OXR1: variants seen among roughly 807,000 people sequenced by gnomAD.
OXR1 encodes the protein oxidation resistance protein 1.
In OXR1, 41 loss-of-function variants were observed where a neutral mutation model predicts 104.6. The ratio of observed to expected loss-of-function variants is 0.39; its 90% CI spans 0.31 to 0.51. The LOEUF (loss-of-function observed/expected upper bound fraction) is 0.51, where lower values mean the gene tolerates loss of function less well. Among genes scored for constraint, OXR1 ranks in the 20% least tolerant of loss-of-function variants. The pLI, the probability that OXR1 is intolerant of heterozygous loss-of-function variation, is 0.77. For synonymous variants in OXR1, 348 were observed against 348.4 expected (o/e 1.00, Z 0.01); for missense variants, 955 against 1,031.9 (o/e 0.93, Z 1.02).
intron 3 of OXR1, among the ~76,000 whole-genome samples, chr8:106,648,479 A>G (rs373828446): frequency 1.5e-4 from 23 of 152,358 alleles, no homozygotes; most frequent in East Asian, 7.7e-4. Flanking sequence ...ATATAAAATC[A>G]GAGCCATTTG....
intron 2 of OXR1, among the ~76,000 whole-genome samples, chr8:106,490,648 G>T (rs1267196822): frequency 6.6e-6 from 1 of 152,142 alleles, no homozygotes; most frequent in Admixed American, 6.5e-5. Flanking sequence ...TTACAGGAAT[G>T]AGCCACTGAA....
intron 2 of OXR1, among the ~76,000 whole-genome samples, chr8:106,508,800 T>C (rs1411590278): frequency 3.9e-5 from 6 of 152,146 alleles, no homozygotes; most frequent in South Asian, 2.1e-4. Context: ...TGTCTTCTTT[T>C]GGGGAAAGTT....
intron 2 of OXR1, among the ~76,000 whole-genome samples, chr8:106,486,584 C>A (rs1473030365): frequency 2.0e-5 from 3 of 151,998 alleles, no homozygotes; most frequent in South Asian, 4.2e-4. Context: ...GTCTTTTTTG[C>A]AGTATTTCAA....
At chr8:106,491,270 A>C (rs1170723091) in intron 2 of OXR1, among the ~76,000 whole-genome samples, 1 of 152,080 alleles carries the variant, frequency 6.6e-6, no homozygotes, top group Non-Finnish European at 1.5e-5. Flanking sequence ...TTGTTCTTCC[A>C]TGAGTATTCC....
chr8:106,323,039 A>G (rs1479684461), intron 1 of OXR1, among the ~76,000 whole-genome samples: 1 of 152,180 alleles, frequency 6.6e-6, no homozygotes, highest in Non-Finnish European at 1.5e-5. Context: ...AAAAAAGACT[A>G]TTTTAAAATT....
At chr8:106,304,577 C>T (rs1458364137) in intron 1 of OXR1, among the ~76,000 whole-genome samples, 2 of 151,990 alleles carry the variant, frequency 1.3e-5, no homozygotes, top group African/African-American at 4.8e-5. Context: ...TGTAACAATA[C>T]ATTTTATCTA....
intron 2 of OXR1, among the ~76,000 whole-genome samples, chr8:106,517,224 A>G (rs1385157949): frequency 6.6e-6 from 1 of 152,164 alleles, no homozygotes; most frequent in Non-Finnish European, 1.5e-5. Flanking sequence ...TGTTTAGCCT[A>G]CCATTTTACT....
At chr8:106,488,777 A>G (rs1810872388) in intron 2 of OXR1, among the ~76,000 whole-genome samples, 2 of 146,940 alleles carry the variant, frequency 1.4e-5, no homozygotes, top group East Asian at 2.0e-4. Context: ...TGTTCCATTG[A>G]TCTATATCTC....
intron 3 of OXR1, among the ~76,000 whole-genome samples, chr8:106,587,988 G>T (rs1818776668): frequency 6.7e-6 from 1 of 150,138 alleles, no homozygotes; most frequent in African/African-American, 2.5e-5. Flanking sequence ...GTCTCGCTCT[G>T]TCACCCAGGC....
intron 2 of OXR1, among the ~76,000 whole-genome samples, chr8:106,473,035 A>G (rs1280313360): frequency 6.6e-6 from 1 of 151,838 alleles, no homozygotes; most frequent in Non-Finnish European, 1.5e-5. Context: ...TCTGCCTTTC[A>G]CTGCCTTTCA....
intron 3 of OXR1, among the ~76,000 whole-genome samples, chr8:106,588,921 A>T (rs540477802): frequency 1.7e-4 from 26 of 152,376 alleles, no homozygotes; most frequent in Non-Finnish European, 3.7e-4. Context: ...TATCTAACTC[A>T]TAACTTTGTA....
rs374707436 is a variant in OXR1 at position 106,706,919 on chromosome 8, A to G, written c.1398A>G (p.Glu466=). 7.4e-6 allele frequency: 12 copies of G among 1,612,430 alleles called. No homozygotes were observed. Among genetic ancestry groups the G allele is most frequent in the Non-Finnish European group, 1.0e-5 (12 of 1,179,766 alleles). ...NSLHQEESQK[E]NMPCGETAEF... ...TACACCAAGAAGAGAGTCAAAAAGA[A>G]AATATGCCTTGTGGGGAAACAGCAG... Residue 466 remains glutamate, a synonymous_variant, in exon 9 of 17, where the codon GAA becomes GAG. Transcript: ENST00000517566.
At chr8:106,561,869 AC>A (rs1816708238) in intron 3 of OXR1, among the ~76,000 whole-genome samples, 1 of 152,296 alleles carries the variant, frequency 6.6e-6, no homozygotes, top group East Asian at 1.9e-4. Context: ...ACTCCAGTAG[AC>A]CTGCAGCAGA....
intron 1 of OXR1, among the ~76,000 whole-genome samples, chr8:106,324,324 A>C (rs1814365625): frequency 6.6e-6 from 1 of 152,100 alleles, no homozygotes. Flanking sequence ...ACTTATGAAC[A>C]CAAAGAAGGA....
At chr8:106,373,426 C>A (rs763026820) in intron 2 of OXR1, among the ~76,000 whole-genome samples, 1 of 152,174 alleles carries the variant, frequency 6.6e-6, no homozygotes, top group Non-Finnish European at 1.5e-5. Flanking sequence ...AGGTATAACA[C>A]AGTACCCATC....
chr8:106,740,571 A>G, intron 14 of OXR1, 76 bp downstream of exon 14: 1 of 1,230,208 alleles, frequency 8.1e-7, no homozygotes, highest in Non-Finnish European at 1.2e-6. Flanking sequence ...TTATTTGATA[A>G]ACATTACTTT....
At chr8:106,726,656 C>T (rs933531444) in intron 11 of OXR1, among the ~76,000 whole-genome samples, 4 of 151,940 alleles carry the variant, frequency 2.6e-5, no homozygotes, top group Admixed American at 2.0e-4. Context: ...TTGAATAGAA[C>T]AGAGTAAATT....
chr8:106,633,428 G>C (rs978965478), intron 3 of OXR1, among the ~76,000 whole-genome samples: 2 of 152,122 alleles, frequency 1.3e-5, no homozygotes, highest in East Asian at 3.9e-4. Flanking sequence ...TTTGGTCTTA[G>C]TGCTCTTTGT....
At chr8:106,535,536 A>G (rs577374518) in intron 3 of OXR1, among the ~76,000 whole-genome samples, 8 of 152,320 alleles carry the variant, frequency 5.3e-5, no homozygotes, top group South Asian at 2.1e-4. Flanking sequence ...AGCCCCAAGG[A>G]GATAAATCTC....
Sources: allele counts gnomAD v4.1 joint callset (sites outside exome capture counted in the v4.1 genomes callset), GRCh38; gene constraint gnomAD v4.1.1; transcripts MANE v1.5; gene names NCBI Gene and HGNC (gene_info 2026-07-23, HGNC 2026-07-21).